FBXO11: variants seen among roughly 807,000 people sequenced by gnomAD.
FBXO11 encodes F-box protein 11.
Under a neutral mutation model 117.0 loss-of-function variants are expected in FBXO11, and 13 were observed. The ratio of observed to expected loss-of-function variants is 0.11; its 90% CI spans 0.07 to 0.18. The LOEUF is 0.18. FBXO11 is among the 10% of genes least tolerant of loss of function. The pLI, the probability that FBXO11 is intolerant of heterozygous loss-of-function variation, is 1.00. For missense variants in FBXO11, 767 were observed against 1,164.4 expected (o/e 0.66, Z 4.97); for synonymous variants, 490 against 380.5 (o/e 1.29, Z -3.35).
rs572013448 is a variant in FBXO11, at chr2:47,825,608, C to G, written c.1399-2248G>C. ...TTTTTTTTTTTTTTAGAGACAGGCT[C>G]TCACTCTGTTGTCTGGGTTGGAGTG... On this transcript the variant is annotated intron_variant, in intron 11 of 22. Transcript: ENST00000403359. Among the ~76,000 whole-genome samples, 458 of 126,442 alleles carry G rather than the reference C, an allele frequency of 3.6e-3. 4 individuals are homozygous for G. The highest frequency in any genetic ancestry group is 0.013 in the African/African-American group (432 of 33,034). 83.0% of individuals were successfully genotyped at this position (126,442 alleles called of 152,430 possible).
chr2:47,901,980 G>C (rs941908707), intron 1 of FBXO11, among the ~76,000 whole-genome samples: 23 of 152,114 alleles, frequency 1.5e-4, no homozygotes, highest in African/African-American at 5.6e-4. Flanking sequence ...GTGTCACCTG[G>C]GCTGGAGTGC....
chr2:47,822,448 G>T (rs1572783836), intron 12 of FBXO11, 145 bp from the exon 13 acceptor site: 7 of 574,150 alleles, frequency 1.2e-5, no homozygotes, highest in Non-Finnish European at 1.8e-5. Flanking sequence ...TAAGGCCTAA[G>T]ACTTTGGAAA....
At chr2:47,850,459 A>T (rs1190559353) in intron 1 of FBXO11, among the ~76,000 whole-genome samples, 1 of 152,216 alleles carries the variant, frequency 6.6e-6, no homozygotes, top group Non-Finnish European at 1.5e-5. Context: ...GAAAGCATAG[A>T]CTAGCTATCA....
At chr2:47,865,218 G>A (rs375396507) in intron 1 of FBXO11, among the ~76,000 whole-genome samples, 3 of 152,122 alleles carry the variant, frequency 2.0e-5, no homozygotes, top group South Asian at 2.1e-4. Context: ...TTACCCCTTC[G>A]GTGATAGAAC....
intron 1 of FBXO11, among the ~76,000 whole-genome samples, chr2:47,904,214 G>C (rs948376383): frequency 3.9e-5 from 6 of 152,030 alleles, no homozygotes; most frequent in South Asian, 2.1e-4. Context: ...GACAACAAAC[G>C]CATGTAAAAT....
rs1269084854 is a variant in FBXO11, at chr2:47,808,052, T to A, written c.*66A>T. ...GTAGCATGGGCAAATATTTTAAATCTTCTTCCAAAAAAGTGTTTTAAGTTA... is the reference window on the plus strand; with the variant it reads ...GTAGCATGGGCAAATATTTTAAATCATCTTCCAAAAAAGTGTTTTAAGTTA... On this transcript the variant is annotated 3_prime_UTR_variant, in exon 23 of 23. Coordinates refer to ENST00000403359, the MANE Select transcript of FBXO11 (RefSeq NM_001190274.2). The A allele has an allele frequency of 1.4e-6, 2 of 1,403,974 alleles. No homozygotes were observed. Among genetic ancestry groups the A allele is most frequent in the African/African-American group, 2.9e-5 (2 of 69,872 alleles). The allele number at this position is 1,403,974 out of a possible 1,614,324, so 87.0% of individuals were successfully genotyped here.
In FBXO11 at chr2:47,905,679, C is replaced by T; in HGVS notation, c.42G>A (p.Val14=). 2.0e-6 allele frequency: 3 copies of T among 1,510,596 alleles called. No homozygotes were observed. The highest frequency in any genetic ancestry group is 2.7e-6 in the Non-Finnish European group (3 of 1,131,856). The allele number at this position is 1,510,596 out of a possible 1,614,324, so 93.6% of individuals were successfully genotyped here. Residue 14 remains valine, a synonymous_variant, in exon 1 of 23, where the codon GTG becomes GTA. Transcript: ENST00000403359. ...VRAANRRPRR[V]SRPRPVQQQQ... is the part of the protein sequence containing the mutation. Reference sequence around the variant, plus strand: ...GTTGCTGCACCGGGCGCGGCCGCGACACTCGCCTGGGTCTCCGGTTGGCGG... The same window carrying T: ...GTTGCTGCACCGGGCGCGGCCGCGATACTCGCCTGGGTCTCCGGTTGGCGG...
chr2:47,842,350 G>C (rs950455156), intron 1 of FBXO11, among the ~76,000 whole-genome samples: 1 of 152,138 alleles, frequency 6.6e-6, no homozygotes, highest in Non-Finnish European at 1.5e-5. Context: ...AACATAAAAG[G>C]CTTAGTAGTA....
intron 1 of FBXO11, among the ~76,000 whole-genome samples, chr2:47,885,386 A>G (rs900853537): frequency 6.6e-6 from 1 of 152,128 alleles, no homozygotes; most frequent in Admixed American, 6.5e-5. Flanking sequence ...TGAGGTCAGG[A>G]GTTCGAGACC....
intron 1 of FBXO11, among the ~76,000 whole-genome samples, chr2:47,861,676 A>C (rs762342438): frequency 6.6e-6 from 1 of 152,110 alleles, no homozygotes; most frequent in Non-Finnish European, 1.5e-5. Context: ...ATGTGGCCCA[A>C]TGAGACACAA....
At chr2:47,870,982 G>A (rs965429357) in intron 1 of FBXO11, among the ~76,000 whole-genome samples, 4 of 152,152 alleles carry the variant, frequency 2.6e-5, no homozygotes, top group South Asian at 4.1e-4. Context: ...CAAAGTCTAC[G>A]CTCACTAACA....
intron 1 of FBXO11, among the ~76,000 whole-genome samples, chr2:47,901,004 G>T (rs989607077): frequency 7.4e-6 from 1 of 135,788 alleles, no homozygotes; most frequent in Admixed American, 7.2e-5. Flanking sequence ...TGCCGGTGGG[G>T]AGATATATAT....
chr2:47,863,863 C>T (rs1462863502), intron 1 of FBXO11, among the ~76,000 whole-genome samples: 2 of 151,682 alleles, frequency 1.3e-5, no homozygotes, highest in Non-Finnish European at 2.9e-5. Context: ...ATTGCTTGAA[C>T]CCTGGAGGTG....
intron 1 of FBXO11, among the ~76,000 whole-genome samples, chr2:47,864,184 A>T (rs1047858402): frequency 5.9e-5 from 9 of 152,232 alleles, no homozygotes; most frequent in Admixed American, 3.9e-4. Flanking sequence ...CTCCTAATTA[A>T]ATGTTCCTAT....
intron 1 of FBXO11, among the ~76,000 whole-genome samples, chr2:47,884,903 ATTAAT>A (rs1268062046): frequency 6.6e-6 from 1 of 152,212 alleles, no homozygotes; most frequent in Non-Finnish European, 1.5e-5. Flanking sequence ...TGCATAATAT[ATTAAT>A]TATACATCAT....
intron 1 of FBXO11, among the ~76,000 whole-genome samples, chr2:47,850,648 A>G (rs924531021): frequency 7.9e-5 from 12 of 152,206 alleles, no homozygotes; most frequent in Non-Finnish European, 1.3e-4. Flanking sequence ...AAAAATAAGT[A>G]AAAAATGTCT....
rs535795952 is a variant in FBXO11, at chr2:47,853,098, G to A, written c.233-13329C>T. On this transcript the variant is annotated intron_variant, in intron 1 of 22. Coordinates refer to ENST00000403359, the MANE Select transcript of FBXO11 (RefSeq NM_001190274.2). ...GAATTTTTTTTTTTTTTGAGATGGAGTCTTGCTCTGTCACCCAGGCTACAG... is the reference window on the plus strand; with the variant it reads ...GAATTTTTTTTTTTTTTGAGATGGAATCTTGCTCTGTCACCCAGGCTACAG... 3.7e-4 allele frequency among the ~76,000 whole-genome samples: 55 copies of A among 150,422 alleles called. No homozygotes were observed. In the South Asian group the frequency reaches 6.9e-3, roughly 19 times the overall value.
At chr2:47,828,382 T>C (rs968296870) in intron 11 of FBXO11, among the ~76,000 whole-genome samples, 7 of 152,052 alleles carry the variant, frequency 4.6e-5, no homozygotes, top group Non-Finnish European at 1.0e-4. Flanking sequence ...CCAGGCGCGG[T>C]GGAGCTCTTG....
At chr2:47,877,013 A>G (rs922561804) in intron 1 of FBXO11, among the ~76,000 whole-genome samples, 2 of 151,562 alleles carry the variant, frequency 1.3e-5, no homozygotes, top group African/African-American at 4.9e-5. Context: ...AGTCTAGTAC[A>G]CATCTAATGA....
Sources: gnomAD v4.1 joint callset for allele counts (sites outside exome capture counted in the v4.1 genomes callset) on GRCh38, gnomAD v4.1.1 for gene constraint, MANE v1.5 for transcripts, NCBI Gene and HGNC (gene_info 2026-07-23, HGNC 2026-07-21) for gene names.